SLC25A33: variants seen among roughly 807,000 people sequenced by gnomAD.
The protein encoded by SLC25A33 is bone marrow stromal cell mitochondrial carrier protein.
SLC25A33 carries 15 observed loss-of-function variants against 35.5 expected under a neutral mutation model. The ratio of observed to expected loss-of-function variants is 0.42; its 90% CI spans 0.28 to 0.65. SLC25A33 has a LOEUF of 0.65. SLC25A33 is among the 30% of genes least tolerant of loss of function. SLC25A33 has a pLI of 0.20. For missense variants in SLC25A33, 257 were observed against 398.5 expected (o/e 0.64, Z 3.02); for synonymous variants, 136 against 148.7 (o/e 0.91, Z 0.62).
At chr1:9,568,816 A>G (rs1363970739) in intron 3 of SLC25A33, among the ~76,000 whole-genome samples, 1 of 152,034 alleles carries the variant, frequency 6.6e-6, no homozygotes, top group Non-Finnish European at 1.5e-5. Flanking sequence ...GCTGCACTCC[A>G]GCCTGGGCGA....
At chr1:9,554,778 G>GA (rs1643317152) in intron 2 of SLC25A33, among the ~76,000 whole-genome samples, 1 of 152,060 alleles carries the variant, frequency 6.6e-6, no homozygotes, top group Admixed American at 6.6e-5. Flanking sequence ...TTTTACTGTA[G>GA]AAAAAATAAT....
At chr1:9,557,679 A>G (rs992004177) in intron 2 of SLC25A33, among the ~76,000 whole-genome samples, 1 of 152,232 alleles carries the variant, frequency 6.6e-6, no homozygotes, top group African/African-American at 2.4e-5. Flanking sequence ...TGTTCAAGAC[A>G]CATTTATCAG....
At chr1:9,556,333 G>GT in intron 2 of SLC25A33, 1 of 815,024 alleles carries the variant, frequency 1.2e-6, no homozygotes, top group East Asian at 1.2e-4. Context: ...TGGATTTACT[G>GT]TAACTGGGGA....
chr1:9,559,391 G>A (rs1179283058), intron 2 of SLC25A33, among the ~76,000 whole-genome samples: 1 of 152,108 alleles, frequency 6.6e-6, no homozygotes, highest in African/African-American at 2.4e-5. Context: ...GTTTTGGCAT[G>A]TCAGGAAGAT....
At chr1:9,550,294 C>T (rs986416156) in intron 1 of SLC25A33, among the ~76,000 whole-genome samples, 3 of 150,368 alleles carry the variant, frequency 2.0e-5, no homozygotes, top group African/African-American at 7.3e-5. Context: ...TTCGCTGTTA[C>T]TAGGGCATTT....
rs1643772065 is a variant in SLC25A33, at chr1:9,583,710, G to A, written c.*1209G>A. 1 of 151,280 alleles carries A rather than the reference G, an allele frequency of 6.6e-6. No individual in the cohort carries two copies. The highest frequency in any genetic ancestry group is 6.6e-5 in the Admixed American group (1 of 15,146). 9.4% of individuals were successfully genotyped at this position (151,280 alleles called of 1,614,324 possible). A position where few individuals can be genotyped will look rare whatever the true frequency, so the allele number is the denominator to read the frequency against. On this transcript the variant is annotated 3_prime_UTR_variant, in exon 7 of 7. Coordinates refer to ENST00000302692, the MANE Select transcript of SLC25A33 (RefSeq NM_032315.3). ...GCACTGGGATTGTTTAAATATCCTA[G>A]TTCAACATTAAAAAAAAAAAAAATT... is the stretch of plus-strand genomic sequence containing the variant.
rs980661329 is a variant in SLC25A33, at chr1:9,583,041, A to G, written c.*540A>G. ...GGAGTTCCAGACCAGCCTGGCCAACATGGCGAAACCCTGTCTCTACTAAAA... is the reference window on the plus strand; with the variant it reads ...GGAGTTCCAGACCAGCCTGGCCAACGTGGCGAAACCCTGTCTCTACTAAAA... On this transcript the variant is annotated 3_prime_UTR_variant, in exon 7 of 7. Transcript: ENST00000302692. The G allele has an allele frequency of 3.9e-5, 6 of 152,460 alleles. No homozygotes were observed. The highest frequency in any genetic ancestry group is 9.6e-5 in the African/African-American group (4 of 41,452). 9.4% of individuals were successfully genotyped at this position (152,460 alleles called of 1,614,324 possible).
rs1386476511 is a variant in SLC25A33, at chr1:9,578,091, G to A, written c.483-1863G>A. On this transcript the variant is annotated intron_variant, in intron 5 of 6. Transcript: ENST00000302692. The surrounding 1 kb of genome is among the most constrained non-coding windows in gnomAD (Gnocchi z 4.3). ...CGCCACCATGCCCGGCTAATTTTTT[G>A]TATTTTTTAGTAGAGACGGGGTTTC... is the stretch of plus-strand genomic sequence containing the variant. Among the ~76,000 whole-genome samples the A allele has an allele frequency of 6.6e-6, 1 of 152,066 alleles. No homozygotes were observed. Among genetic ancestry groups the A allele is most frequent in the Non-Finnish European group, 1.5e-5 (1 of 68,014 alleles).
At chr1:9,554,711 T>C (rs1188609662) in intron 2 of SLC25A33, among the ~76,000 whole-genome samples, 1 of 152,224 alleles carries the variant, frequency 6.6e-6, no homozygotes, top group Admixed American at 6.5e-5. Context: ...AAGTTATGTT[T>C]AATAAAATGG....
intron 3 of SLC25A33, among the ~76,000 whole-genome samples, chr1:9,569,245 CAAAAA>C (rs1274888663): frequency 1.9e-5 from 2 of 103,078 alleles, no homozygotes; most frequent in Admixed American, 1.0e-4. Context: ...AACTCCATCT[CAAAAA>C]AAAAAAAAAC....
chr1:9,550,816 C>T (rs1643256473), intron 1 of SLC25A33, among the ~76,000 whole-genome samples: 1 of 151,774 alleles, frequency 6.6e-6, no homozygotes, highest in East Asian at 2.0e-4. Context: ...GGACTACAGG[C>T]GCACATCACC....
intron 4 of SLC25A33, among the ~76,000 whole-genome samples, chr1:9,572,901 CAAAA>C (rs57308070): frequency 3.3e-5 from 2 of 60,902 alleles, no homozygotes; most frequent in African/African-American, 5.8e-5. Context: ...CCCGTCTCTA[CAAAA>C]AAAAAAAAAA....
chr1:9,541,406 C>T (rs576899098), intron 1 of SLC25A33, among the ~76,000 whole-genome samples: 1 of 152,258 alleles, frequency 6.6e-6, no homozygotes, highest in African/African-American at 2.4e-5. Context: ...GCCTCGGCCT[C>T]CCAAAGTGCT....
Position 9,582,369 on chromosome 1 carries a change from G to T in SLC25A33, c.834G>T (p.Val278=). 6.2e-7 allele frequency: 1 copy of T among 1,614,014 alleles called. No homozygotes were observed. The highest frequency in any genetic ancestry group is 8.5e-7 in the Non-Finnish European group (1 of 1,179,880). Residue 278 remains valine, a synonymous_variant, in exon 7 of 7, where the codon GTG becomes GTT. Coordinates refer to ENST00000302692, the MANE Select transcript of SLC25A33 (RefSeq NM_032315.3). The surrounding 1 kb of genome is among the most constrained non-coding windows in gnomAD (Gnocchi z 4.0). ...YKSFVQTARL[V]FREEGYLAFY... is the part of the protein sequence containing the mutation. ...CTTTTGTCCAGACGGCGCGCCTGGTGTTCCGGGAAGAAGGCTACCTTGCCT... is the reference window on the plus strand; with the variant it reads ...CTTTTGTCCAGACGGCGCGCCTGGTTTTCCGGGAAGAAGGCTACCTTGCCT...
Position 9,539,763 on chromosome 1 carries a change from C to T in SLC25A33, c.56+16C>T. On this transcript the variant is annotated intron_variant, in intron 1 of 6. Transcript: ENST00000302692. ...TCGCCGGCGGGTGAGTTCCCGGGCC[C>T]AGCCGCGCGCGCCCCACCGCCTGCG... 1.5e-6 allele frequency: 2 copies of T among 1,371,682 alleles called. No individual in the cohort carries two copies. Among genetic ancestry groups the T allele is most frequent in the Non-Finnish European group, 1.9e-6 (2 of 1,060,582 alleles). 85.0% of individuals were successfully genotyped at this position (1,371,682 alleles called of 1,614,324 possible). A position where few individuals can be genotyped will look rare whatever the true frequency, so the allele number is the denominator to read the frequency against.
rs942842097 is a variant in SLC25A33 at position 9,574,557 on chromosome 1, TTC to T, written c.482+1147_482+1148del. ...CAAATGTAATGTGACATGAAAATAT[TTC>T]TGTGTGTGTCAAATCACAGTTACTA... On this transcript the variant is annotated intron_variant, in intron 5 of 6. Transcript: ENST00000302692. Among the ~76,000 whole-genome samples, 26 of 152,344 alleles carry T rather than the reference TTC, an allele frequency of 1.7e-4. 1 individual carries two copies. The highest frequency in any genetic ancestry group is 6.3e-4 in the African/African-American group (26 of 41,572).
In SLC25A33 at chr1:9,557,762, A is replaced by G. The variant is rs539407585; in HGVS notation, c.236+3957A>G. 2.0e-5 allele frequency among the ~76,000 whole-genome samples: 3 copies of G among 152,296 alleles called. No individual in the cohort carries two copies. The East Asian group carries it at 5.8e-4, about 29-fold the overall frequency. On this transcript the variant is annotated intron_variant, in intron 2 of 6. Transcript: ENST00000302692. ...AGACGTAATAAAATGCAGGTGCTCTATTGCAAAAACCACACATTTAGCACT... is the reference window on the plus strand; with the variant it reads ...AGACGTAATAAAATGCAGGTGCTCTGTTGCAAAAACCACACATTTAGCACT...
chr1:9,540,345 A>G (rs2100361977), intron 1 of SLC25A33, among the ~76,000 whole-genome samples: 1 of 152,266 alleles, frequency 6.6e-6, no homozygotes, highest in East Asian at 1.9e-4. Flanking sequence ...GTGTTGAGAC[A>G]CTTCTCGCCG....
intron 5 of SLC25A33, 21 bp from the exon 6 acceptor site, chr1:9,579,933 G>A (rs1643714754): frequency 2.5e-6 from 4 of 1,602,896 alleles, no homozygotes; most frequent in African/African-American, 2.7e-5. Context: ...TTAACAGCCT[G>A]TGTTGGTCTC....
Sources: gnomAD v4.1 joint callset for allele counts (sites outside exome capture counted in the v4.1 genomes callset) on GRCh38, gnomAD v4.1.1 for gene constraint, Gnocchi (gnomAD v3.1) non-coding constraint, MANE v1.5 for transcripts, NCBI Gene and HGNC (gene_info 2026-07-23, HGNC 2026-07-21) for gene names.